VWC2L: variants seen among roughly 807,000 people sequenced by gnomAD.
VWC2L encodes the protein von Willebrand factor C domain-containing protein 2-like.
Under a neutral mutation model 21.6 loss-of-function variants are expected in VWC2L, and 10 were observed. That is an observed-to-expected ratio of 0.46 (90% CI 0.29 to 0.78). The LOEUF (loss-of-function observed/expected upper bound fraction) is 0.78, where lower values mean the gene tolerates loss of function less well. Among genes scored for constraint, VWC2L ranks in the 30% least tolerant of loss-of-function variants. The pLI, the probability that VWC2L is intolerant of heterozygous loss-of-function variation, is 0.10. For missense variants in VWC2L, 209 were observed against 277.1 expected (o/e 0.75, Z 1.74); for synonymous variants, 96 against 94.3 (o/e 1.02, Z -0.10).
At chr2:214,441,898 T>G (rs1471876506) in intron 3 of VWC2L, among the ~76,000 whole-genome samples, 1 of 151,432 alleles carries the variant, frequency 6.6e-6, no homozygotes, top group Non-Finnish European at 1.5e-5. Flanking sequence ...AATAAGATTT[T>G]TATTTTAAAT....
intron 2 of VWC2L, among the ~76,000 whole-genome samples, chr2:214,416,012 T>C (rs1702349584): frequency 1.3e-5 from 2 of 152,092 alleles, no homozygotes; most frequent in African/African-American, 2.4e-5. Context: ...AATGTCATCT[T>C]AATGGAAGTA....
In VWC2L at chr2:214,576,544, C is replaced by T. The variant is rs575706457; in HGVS notation, c.*724C>T. 6.6e-5 allele frequency: 10 copies of T among 152,276 alleles called. No individual in the cohort carries two copies. Among genetic ancestry groups the T allele is most frequent in the Admixed American group, 2.0e-4 (3 of 15,284 alleles). The allele number at this position is 152,276 out of a possible 1,614,324, so 9.4% of individuals were successfully genotyped here. A position where few individuals can be genotyped will look rare whatever the true frequency, so the allele number is the denominator to read the frequency against. ...CGAAACTGCCAATCAAAATCTATTA[C>T]GTAAAGAACACCATAAGCTCAACTA... On this transcript the variant is annotated 3_prime_UTR_variant, in exon 4 of 4. Transcript: ENST00000312504.
chr2:214,429,808 A>T (rs950644163), intron 2 of VWC2L, among the ~76,000 whole-genome samples: 9 of 151,966 alleles, frequency 5.9e-5, no homozygotes, highest in East Asian at 5.8e-4. Flanking sequence ...TACCAAAAAA[A>T]TTTTATTTTA....
chr2:214,479,299 T>C lies in VWC2L; in HGVS notation c.520+42541T>C, dbSNP rs191890731. 2.1e-3 allele frequency among the ~76,000 whole-genome samples: 316 copies of C among 152,348 alleles called. 1 individual carries two copies. The highest frequency in any genetic ancestry group is 7.4e-3 in the African/African-American group (306 of 41,580). On this transcript the variant is annotated intron_variant, in intron 3 of 3. Coordinates refer to ENST00000312504, the MANE Select transcript of VWC2L (RefSeq NM_001080500.4). ...TCCTTTCCATAAAAATATCTTATTT[T>C]TTGATAGTCATAGTGTTTATCTTTT...
chr2:214,575,606 TG>T, intron 3 of VWC2L, 65 bp from the exon 4 acceptor site: 1 of 1,578,266 alleles, frequency 6.3e-7, no homozygotes, highest in Non-Finnish European at 8.7e-7. Context: ...GGCTTGGGTT[TG>T]GATGGTGGGG....
At chr2:214,517,949 G>A (rs1219643813) in intron 3 of VWC2L, among the ~76,000 whole-genome samples, 1 of 152,248 alleles carries the variant, frequency 6.6e-6, no homozygotes, top group Non-Finnish European at 1.5e-5. Context: ...GGCAGATCAC[G>A]AGGTCAGGAG....
chr2:214,415,292 A>G (rs542722518), intron 2 of VWC2L: 2 of 152,214 alleles, frequency 1.3e-5, no homozygotes, highest in Admixed American at 1.3e-4. Context: ...TTTATCCCTT[A>G]TTGAACTTTC....
At chr2:214,488,609 CAA>C (rs1688705227) in intron 3 of VWC2L, among the ~76,000 whole-genome samples, 1 of 152,056 alleles carries the variant, frequency 6.6e-6, no homozygotes, top group Non-Finnish European at 1.5e-5. Context: ...AAAAACAAAA[CAA>C]AACAAAAACC....
In VWC2L at chr2:214,525,658, C is replaced by T. The variant is rs185569404; in HGVS notation, c.521-50014C>T. Among the ~76,000 whole-genome samples, 478 of 152,240 alleles carry T rather than the reference C, an allele frequency of 3.1e-3. 6 individuals carry two copies. Among genetic ancestry groups the T allele is most frequent in the Middle Eastern group, 0.014 (4 of 294 alleles). ...TCATTCCTCACATCCCTACCATGCT[C>T]CCAGATCCATCAGTTGAATCTGGCT... is the stretch of plus-strand genomic sequence containing the variant. On this transcript the variant is annotated intron_variant, in intron 3 of 3. Transcript: ENST00000312504.
chr2:214,553,713 A>C (rs1434189371), intron 3 of VWC2L, among the ~76,000 whole-genome samples: 1 of 152,166 alleles, frequency 6.6e-6, no homozygotes, highest in African/African-American at 2.4e-5. Context: ...TGGATTCCAA[A>C]AGGTAGGAGA....
intron 3 of VWC2L, among the ~76,000 whole-genome samples, chr2:214,496,650 G>A (rs1294262320): frequency 1.3e-5 from 2 of 152,216 alleles, no homozygotes; most frequent in South Asian, 4.1e-4. Context: ...AGCACAGATT[G>A]AAGGGAAATC....
At chr2:214,563,541 C>T (rs1470845946) in intron 3 of VWC2L, among the ~76,000 whole-genome samples, 12 of 47,934 alleles carry the variant, frequency 2.5e-4, no homozygotes, top group African/African-American at 1.0e-3. Context: ...AGCAAGACTC[C>T]GTCTCAAAAA....
chr2:214,456,712 TCTTA>T (rs748185000), intron 3 of VWC2L, among the ~76,000 whole-genome samples: 1 of 152,062 alleles, frequency 6.6e-6, no homozygotes, highest in Non-Finnish European at 1.5e-5. Flanking sequence ...TAGTTTGGGG[TCTTA>T]CTTCTAAGTC....
intron 3 of VWC2L, among the ~76,000 whole-genome samples, chr2:214,561,654 A>T (rs1383856102): frequency 6.6e-6 from 1 of 151,646 alleles, no homozygotes; most frequent in Non-Finnish European, 1.5e-5. Flanking sequence ...ATATGCCTAT[A>T]GCCCCAGCTA....
intron 3 of VWC2L, among the ~76,000 whole-genome samples, chr2:214,485,250 C>T (rs934161179): frequency 6.6e-6 from 1 of 151,956 alleles, no homozygotes; most frequent in Non-Finnish European, 1.5e-5. Flanking sequence ...ACCTAGGAGG[C>T]AGAGGTTGCA....
chr2:214,483,954 A>C (rs1276133953), intron 3 of VWC2L, among the ~76,000 whole-genome samples: 1 of 152,126 alleles, frequency 6.6e-6, no homozygotes, highest in Non-Finnish European at 1.5e-5. Context: ...AAGGTGTTGC[A>C]AGGGCCATCT....
In VWC2L at chr2:214,514,712, G is replaced by A. The variant is rs74819885; in HGVS notation, c.521-60960G>A. On this transcript the variant is annotated intron_variant, in intron 3 of 3. Coordinates refer to ENST00000312504, the MANE Select transcript of VWC2L (RefSeq NM_001080500.4). ...TCAACAGCCCACTATCTAATGATGA[G>A]AAAAGGAGGGCTGGATCCTGTAAAT... 4.6e-3 allele frequency among the ~76,000 whole-genome samples: 696 copies of A among 152,304 alleles called. 5 individuals are homozygous for A. Among genetic ancestry groups the A allele is most frequent in the African/African-American group, 0.015 (635 of 41,558 alleles).
chr2:214,527,940 TA>T (rs948026741), intron 3 of VWC2L, among the ~76,000 whole-genome samples: 4 of 152,188 alleles, frequency 2.6e-5, no homozygotes, highest in African/African-American at 9.7e-5. Flanking sequence ...TAAGCTGAGA[TA>T]AAAATTAGGT....
rs556831826 is a variant in VWC2L at position 214,414,214 on chromosome 2, A to T, written c.21A>T (p.Glu7Asp). 2.7e-5 allele frequency: 44 copies of T among 1,612,468 alleles called. No homozygotes were observed. In the East Asian group the frequency reaches 9.8e-4, roughly 36 times the overall value. ...GGGGGATGGCTCTTCATATTCATGA[A>T]GCTTGCATACTTCTGTTGGTCATCC... Reference protein sequence around the residue: MALHIHEACILLLVIPG... With the variant: MALHIHDACILLLVIPG... The change falls in exon 2 of 4, where the codon GAA becomes GAT. Residue 7 changes from glutamate to aspartate, a missense_variant. Physicochemically the swap from Glu to Asp is conservative, Grantham distance 45. Coordinates refer to ENST00000312504, the MANE Select transcript of VWC2L (RefSeq NM_001080500.4).
Sources: allele counts gnomAD v4.1 joint callset (sites outside exome capture counted in the v4.1 genomes callset), GRCh38; gene constraint gnomAD v4.1.1; transcripts MANE v1.5; gene names NCBI Gene and HGNC (gene_info 2026-07-23, HGNC 2026-07-21).